The following CCDC181 variants were observed in gnomAD, a reference collection of about 807,000 sequenced individuals.
CCDC181 encodes coiled-coil domain containing 181.
CCDC181 carries 35 observed loss-of-function variants against 58.7 expected under a neutral mutation model. That is an observed-to-expected ratio of 0.60 (90% confidence interval 0.46 to 0.79). The LOEUF (loss-of-function observed/expected upper bound fraction) is 0.79, where lower values mean the gene tolerates loss of function less well. CCDC181 is among the 30% of genes least tolerant of loss of function. The pLI is 0.00. For missense variants in CCDC181, 517 were observed against 583.9 expected (o/e 0.89, Z 1.18); for synonymous variants, 183 against 197.5 (o/e 0.93, Z 0.62).
chr1:169,433,472 A>G (rs1241290294), intron 2 of CCDC181, among the ~76,000 whole-genome samples: 2 of 152,026 alleles, frequency 1.3e-5, no homozygotes, highest in Non-Finnish European at 2.9e-5. Flanking sequence ...GAACCCCAAA[A>G]GCCAAAAGAG....
intron 2 of CCDC181, 24 bp from the exon 3 acceptor site, chr1:169,422,337 C>A: frequency 2.0e-6 from 3 of 1,471,738 alleles, no homozygotes; most frequent in South Asian, 2.9e-5. Flanking sequence ...ATTTTTCAGT[C>A]AAAATTGAGA....
At chr1:169,428,548 G>A (rs1402982432), upstream of CCDC181, among the ~76,000 whole-genome samples, 2 of 152,114 alleles carry the variant, frequency 1.3e-5, no homozygotes, top group African/African-American at 4.8e-5. Flanking sequence ...GTGGTGTTTG[G>A]TTACATGGAT....
Position 169,404,411 on chromosome 1 carries a change from A to G in CCDC181, c.1216-7020T>C, listed in dbSNP as rs554760536. Among the ~76,000 whole-genome samples, 112 of 152,346 alleles carry G rather than the reference A, an allele frequency of 7.4e-4. 1 individual carries two copies. Among genetic ancestry groups the G allele is most frequent in the African/African-American group, 2.5e-3 (103 of 41,588 alleles). On this transcript the variant is annotated intron_variant, in intron 4 of 5. Coordinates refer to ENST00000367806, the MANE Select transcript of CCDC181 (RefSeq NM_001300969.2). ...ATGAACATTGATGCAAAAATCCTCAATAAAATACTGGCAAACCAAATCCAG... is the reference window on the plus strand; with the variant it reads ...ATGAACATTGATGCAAAAATCCTCAGTAAAATACTGGCAAACCAAATCCAG...
At chr1:169,398,025 C>T (rs1449252527) in intron 4 of CCDC181, among the ~76,000 whole-genome samples, 1 of 152,136 alleles carries the variant, frequency 6.6e-6, no homozygotes, top group Non-Finnish European at 1.5e-5. Flanking sequence ...GCCAAATATG[C>T]TCTAGTCTAA....
In CCDC181 at chr1:169,418,955, T is replaced by C. The variant is rs3765229; in HGVS notation, c.1215+58A>G. 76,553 of 1,412,832 alleles carry C rather than the reference T, an allele frequency of 0.054. 12,269 individuals carry two copies. The East Asian group carries it at 0.67, about 12-fold the overall frequency. The allele number at this position is 1,412,832 out of a possible 1,614,324, so 87.5% of individuals were successfully genotyped here. ...AGTCTGATATCCAGACTCCCTTCTA[T>C]AAATAAGTTCAGCTTTCATATCTGT... On this transcript the variant is annotated intron_variant, in intron 4 of 5. Coordinates refer to ENST00000367806, the MANE Select transcript of CCDC181 (RefSeq NM_001300969.2).
At chr1:169,396,129 CAA>C (rs1655020184) in intron 5 of CCDC181, 2 of 152,060 alleles carry the variant, frequency 1.3e-5, no homozygotes, top group Admixed American at 1.3e-4. Flanking sequence ...CATGTACAGA[CAA>C]ATACTTAGAC....
At position 169,395,156 on chromosome 1, in the gene CCDC181, C is replaced by T. The variant is rs1654942671; in HGVS notation, c.1421G>A (p.Arg474Lys). ...TAGTCGGAGCTGTCTAGTTCTCTCTCTGACAGCTTGTTGCTCTGCCATTTT... is the reference window on the plus strand; with the variant it reads ...TAGTCGGAGCTGTCTAGTTCTCTCTTTGACAGCTTGTTGCTCTGCCATTTT... Reference protein sequence around the residue: ...MEKMAEQQAVRERTRQLRLEA... With the variant: ...MEKMAEQQAVKERTRQLRLEA... Residue 474 changes from arginine (R) to lysine (K), a missense_variant, in exon 6 of 6, where the codon AGA (arginine) becomes AAA (lysine). Coordinates refer to ENST00000367806, the MANE Select transcript of CCDC181 (RefSeq NM_001300969.2). 3 of 1,613,364 alleles carry T rather than the reference C, an allele frequency of 1.9e-6. No individual in the cohort carries two copies. The African/African-American group carries it at 4.0e-5, about 22-fold the overall frequency.
At chr1:169,427,551 G>A (rs1557873941), upstream of CCDC181, 1 of 152,250 alleles carries the variant, frequency 6.6e-6, no homozygotes, top group Non-Finnish European at 1.5e-5. Flanking sequence ...TGCTTGCGAA[G>A]GGCCAGTGAA....
At chr1:169,412,664 A>ACC (rs1656032559) in intron 4 of CCDC181, among the ~76,000 whole-genome samples, 1 of 152,182 alleles carries the variant, frequency 6.6e-6, no homozygotes, top group Admixed American at 6.5e-5. Flanking sequence ...TGGTACTGGT[A>ACC]CCAAAACAGA....
chr1:169,427,707 CTA>C (rs1656779007), upstream of CCDC181, among the ~76,000 whole-genome samples: 1 of 152,202 alleles, frequency 6.6e-6, no homozygotes, highest in African/African-American at 2.4e-5. Flanking sequence ...ACTTCTAAAA[CTA>C]TATTTCTATA....
Position 169,427,431 on chromosome 1 carries a change from C to G in CCDC181, c.-167G>C, listed in dbSNP as rs1656764500. The G allele has an allele frequency of 6.6e-6, 1 of 152,564 alleles. No individual in the cohort carries two copies. The highest frequency in any genetic ancestry group is 1.9e-4 in the East Asian group (1 of 5,186). 9.5% of individuals were successfully genotyped at this position (152,564 alleles called of 1,614,324 possible). A position where few individuals can be genotyped will look rare whatever the true frequency, so the allele number is the denominator to read the frequency against. On this transcript the variant is annotated 5_prime_UTR_variant, in exon 1 of 6. Coordinates refer to ENST00000367806, the MANE Select transcript of CCDC181 (RefSeq NM_001300969.2). The stretch of plus-strand genomic sequence containing the variant: ...CAGGACCACACTGCCATGGCAACAG[C>G]GTGCCTCTGCGTCCTCCATCCGGGC...
intron 1 of CCDC181, among the ~76,000 whole-genome samples, chr1:169,460,078 T>C (rs1657803223): frequency 6.6e-6 from 1 of 152,110 alleles, no homozygotes; most frequent in African/African-American, 2.4e-5. Context: ...TCTGAAAGAC[T>C]TTTCTGGAGG....
At chr1:169,427,082 A>C (rs992814442) in intron 1 of CCDC181, among the ~76,000 whole-genome samples, 1 of 152,158 alleles carries the variant, frequency 6.6e-6, no homozygotes, top group Admixed American at 6.5e-5. Flanking sequence ...CTTCATACAT[A>C]GTGAAGAAAG....
chr1:169,407,351 G>A (rs1373841790), intron 4 of CCDC181, among the ~76,000 whole-genome samples: 1 of 151,782 alleles, frequency 6.6e-6, no homozygotes, highest in Non-Finnish European at 1.5e-5. Context: ...TGCTGCAGGG[G>A]AAAAATACCT....
At chr1:169,458,250 A>G (rs893404539) in intron 2 of CCDC181, among the ~76,000 whole-genome samples, 1 of 145,826 alleles carries the variant, frequency 6.9e-6, no homozygotes, top group Non-Finnish European at 1.5e-5. Context: ...GCACCAACCT[A>G]TAAATATAAA....
intron 4 of CCDC181, among the ~76,000 whole-genome samples, chr1:169,415,208 A>G (rs10919165): frequency 0.084 from 12,820 of 152,298 alleles, 730 homozygotes; most frequent in Admixed American, 0.19. Context: ...TTGGAATGCC[A>G]TGAGGCCTGA....
intron 2 of CCDC181, among the ~76,000 whole-genome samples, chr1:169,454,862 T>G (rs1318118833): frequency 6.6e-6 from 1 of 151,988 alleles, no homozygotes; most frequent in Non-Finnish European, 1.5e-5. Context: ...TTTTATCCAT[T>G]ATGTGTGTTA....
intron 2 of CCDC181, among the ~76,000 whole-genome samples, chr1:169,451,526 T>C (rs942859424): frequency 2.6e-5 from 4 of 152,058 alleles, no homozygotes; most frequent in African/African-American, 9.7e-5. Flanking sequence ...ACCAAATATG[T>C]TTTGACAAAG....
upstream of CCDC181, among the ~76,000 whole-genome samples, chr1:169,428,452 T>C (rs558259148): frequency 6.6e-5 from 10 of 151,498 alleles, no homozygotes; most frequent in Admixed American, 5.9e-4. Context: ...AATAGTTTTT[T>C]CCTCTGACCA....
Sources: gnomAD v4.1 joint callset for allele counts (sites outside exome capture counted in the v4.1 genomes callset) on GRCh38, gnomAD v4.1.1 for gene constraint, MANE v1.5 for transcripts, NCBI Gene and HGNC (gene_info 2026-07-23, HGNC 2026-07-21) for gene names.